PDPR: variants seen among roughly 807,000 people sequenced by gnomAD.
PDPR encodes the protein pyruvate dehydrogenase phosphatase regulatory subunit, mitochondrial.
PDPR carries 50 observed loss-of-function variants against 102.2 expected under a neutral mutation model. The observed-to-expected ratio is 0.49, with a 90% CI of 0.39 to 0.62. The LOEUF (loss-of-function observed/expected upper bound fraction) is 0.62. PDPR is among the 20% of genes least tolerant of loss of function. PDPR has a pLI of 0.00. For synonymous variants in PDPR, 259 were observed against 406.0 expected (o/e 0.64, Z 4.35); for missense variants, 625 against 1,098.2 (o/e 0.57, Z 6.09).
At chr16:70,140,461 C>G (rs965278984) in intron 11 of PDPR, among the ~76,000 whole-genome samples, 8 of 152,246 alleles carry the variant, frequency 5.3e-5, no homozygotes, top group African/African-American at 1.7e-4. Flanking sequence ...GCTTGAGCTT[C>G]TGCTTGGTGA....
chr16:70,126,236 G>A (rs1206537644), intron 3 of PDPR, among the ~76,000 whole-genome samples: 2 of 152,262 alleles, frequency 1.3e-5, no homozygotes, highest in Admixed American at 6.5e-5. Context: ...TTTAGAGATG[G>A]GGTCTTGCTC....
At chr16:70,126,240 C>G (rs1339060004) in intron 3 of PDPR, among the ~76,000 whole-genome samples, 1 of 152,286 alleles carries the variant, frequency 6.6e-6, no homozygotes, top group African/African-American at 2.4e-5. Flanking sequence ...GAGATGGGGT[C>G]TTGCTCTATT....
chr16:70,115,478 CAGCTCCCTGG>C (rs953954697), intron 2 of PDPR, among the ~76,000 whole-genome samples: 5 of 152,206 alleles, frequency 3.3e-5, no homozygotes, highest in African/African-American at 1.2e-4. Flanking sequence ...TTGAAAAATA[CAGCTCCCTGG>C]AGTGGCAGGA....
intron 7 of PDPR, among the ~76,000 whole-genome samples, chr16:70,130,841 C>T (rs1264876573): frequency 2.0e-5 from 3 of 152,276 alleles, no homozygotes; most frequent in Non-Finnish European, 4.4e-5. Context: ...CATTCTATAA[C>T]CTAGCAAATA....
intron 3 of PDPR, among the ~76,000 whole-genome samples, chr16:70,124,934 A>G (rs376318126): frequency 6.6e-6 from 1 of 152,284 alleles, no homozygotes; most frequent in African/African-American, 2.4e-5. Context: ...TTCTTGACAT[A>G]TGGGTCCCTT....
chr16:70,156,493 C>T lies in PDPR; in HGVS notation c.2254C>T (p.Arg752Cys), dbSNP rs376953718. The change falls in exon 19 of 19, where the codon CGC (arginine) becomes TGC (cysteine). Residue 752 changes from arginine to cysteine, a missense_variant. Physicochemically the swap from Arg to Cys is radical, Grantham distance 180 (BLOSUM62 -3). Coordinates refer to ENST00000288050, the MANE Select transcript of PDPR (RefSeq NM_017990.5). The stretch of plus-strand genomic sequence containing the variant: ...TTCTTAGGGCATGGATTTCATTGGT[C>T]GCGACGCCCTCCTGCAGCAGAAGCA... ...KLEKGMDFIGRDALLQQKQNG... is the reference protein window; with the variant it reads ...KLEKGMDFIGCDALLQQKQNG... 153 of 1,613,334 alleles carry T rather than the reference C, an allele frequency of 9.5e-5. No homozygotes were observed. The highest frequency in any genetic ancestry group is 2.7e-4 in the Admixed American group (16 of 59,998).
chr16:70,140,575 T>C (rs866071312), intron 11 of PDPR, among the ~76,000 whole-genome samples: 47 of 152,096 alleles, frequency 3.1e-4, no homozygotes, highest in African/African-American at 9.7e-4. Context: ...TCCCAGCATG[T>C]TGGGAGGCTG....
chr16:70,145,328 G>A (rs1160457682), intron 15 of PDPR, among the ~76,000 whole-genome samples: 1 of 152,258 alleles, frequency 6.6e-6, no homozygotes, highest in Non-Finnish European at 1.5e-5. Context: ...AGTAGAGATG[G>A]GGTTTCACCA....
chr16:70,124,384 C>A (rs1366334145), intron 3 of PDPR, among the ~76,000 whole-genome samples: 4 of 152,236 alleles, frequency 2.6e-5, no homozygotes, highest in Non-Finnish European at 1.5e-5. Context: ...TATTATTATG[C>A]CTTATCCGTG....
chr16:70,117,766 T>C (rs1274322120), intron 2 of PDPR, among the ~76,000 whole-genome samples: 2 of 152,092 alleles, frequency 1.3e-5, no homozygotes, highest in African/African-American at 4.8e-5. Flanking sequence ...GCACTTGATA[T>C]GAAAAGAGTT....
intron 9 of PDPR, among the ~76,000 whole-genome samples, chr16:70,135,411 A>G (rs1428967447): frequency 6.6e-6 from 1 of 152,216 alleles, no homozygotes; most frequent in East Asian, 1.9e-4. Flanking sequence ...TAATTTTTGT[A>G]TTTTTAGTAG....
intron 10 of PDPR, among the ~76,000 whole-genome samples, chr16:70,137,255 C>T (rs1414843863): frequency 6.6e-6 from 1 of 152,190 alleles, no homozygotes; most frequent in African/African-American, 2.4e-5. Flanking sequence ...ACTCGGGAGG[C>T]TGAGACAGGA....
chr16:70,138,012 G>A (rs28588159), intron 10 of PDPR, among the ~76,000 whole-genome samples: 2 of 151,640 alleles, frequency 1.3e-5, no homozygotes, highest in South Asian at 2.1e-4. Flanking sequence ...AGAACTAACT[G>A]CAGGCGTGTG....
chr16:70,115,019 T>A lies in PDPR; in HGVS notation c.-33+89T>A, dbSNP rs191395505. On this transcript the variant is annotated intron_variant, in intron 2 of 18. Coordinates refer to ENST00000288050, the MANE Select transcript of PDPR (RefSeq NM_017990.5). ...AGAATCTCCAAGCCCATTTTCCGCA[T>A]GCATGTAAACGTGATGTACCGGGAT... 1.2e-4 allele frequency: 18 copies of A among 152,318 alleles called. No homozygotes were observed. The East Asian group carries it at 3.5e-3, about 29-fold the overall frequency. 9.4% of individuals were successfully genotyped at this position (152,318 alleles called of 1,614,324 possible). A position where few individuals can be genotyped will look rare whatever the true frequency, so the allele number is the denominator to read the frequency against.
chr16:70,155,299 G>C (rs1312578145), intron 18 of PDPR, among the ~76,000 whole-genome samples: 2 of 150,804 alleles, frequency 1.3e-5, no homozygotes, highest in Non-Finnish European at 3.0e-5. Flanking sequence ...TTTCTTTCTT[G>C]AGACGGAGTT....
rs1052978271 is a variant in PDPR, at chr16:70,131,602, A to C, written c.847+183A>C. ...TAACTCTTTATGAAAGGATGGCCAAAATTTCCATTAATACATTTTTTTGTT... is the reference window on the plus strand; with the variant it reads ...TAACTCTTTATGAAAGGATGGCCAACATTTCCATTAATACATTTTTTTGTT... On this transcript the variant is annotated intron_variant, in intron 8 of 18. Transcript: ENST00000288050. 3.2e-6 allele frequency: 3 copies of C among 924,882 alleles called. No individual in the cohort carries two copies. In the African/African-American group the frequency reaches 5.4e-5, roughly 17 times the overall value. The allele number at this position is 924,882 out of a possible 1,614,324, so 57.3% of individuals were successfully genotyped here.
Position 70,114,335 on chromosome 16 carries a change from C to T in PDPR, c.-248C>T, listed in dbSNP as rs566638522. The stretch of plus-strand genomic sequence containing the variant: ...CGCTTCGCCCCGCCCCCTTCCCATC[C>T]CCGAACCCCGCTTTCCGGCCCGCGG... On this transcript the variant is annotated 5_prime_UTR_variant, in exon 1 of 19. Coordinates refer to ENST00000288050, the MANE Select transcript of PDPR (RefSeq NM_017990.5). 3 of 152,312 alleles carry T rather than the reference C, an allele frequency of 2.0e-5. No homozygotes were observed. The East Asian group carries it at 5.8e-4, about 29-fold the overall frequency. The allele number at this position is 152,312 out of a possible 1,614,324, so 9.4% of individuals were successfully genotyped here.
intron 6 of PDPR, among the ~76,000 whole-genome samples, chr16:70,129,466 T>C (rs1465029236): frequency 6.6e-6 from 1 of 152,258 alleles, no homozygotes; most frequent in Non-Finnish European, 1.5e-5. Flanking sequence ...TGCTTCAGCC[T>C]CCCGAGTAGG....
rs1965595022 is a variant in PDPR, at chr16:70,140,467, G to A, written c.1315+1444G>A. ...CATAATTGAGCTTGAGCTTCTGCTT[G>A]GTGATATGACACTTTTGGTAGCCAA... On this transcript the variant is annotated intron_variant, in intron 11 of 18. Coordinates refer to ENST00000288050, the MANE Select transcript of PDPR (RefSeq NM_017990.5). Among the ~76,000 whole-genome samples the A allele has an allele frequency of 4.6e-5, 7 of 152,362 alleles. No individual in the cohort carries two copies. The South Asian group carries it at 1.2e-3, about 27-fold the overall frequency.
Sources: gnomAD v4.1 joint callset for allele counts (sites outside exome capture counted in the v4.1 genomes callset) on GRCh38, gnomAD v4.1.1 for gene constraint, MANE v1.5 for transcripts, NCBI Gene and HGNC (gene_info 2026-07-23, HGNC 2026-07-21) for gene names.